Variants in LRRC69 observed in about 807,000 individuals in gnomAD.
The protein encoded by LRRC69 is leucine rich repeat containing 69, also known as leucine-rich repeat-containing protein 69.
Under a neutral mutation model 37.8 loss-of-function variants are expected in LRRC69, and 42 were observed. That is an observed-to-expected ratio of 1.11 (90% CI 0.87 to 1.44). The LOEUF is 1.44. Among genes scored for constraint, LRRC69 ranks in the 40% most tolerant of loss-of-function variants. The probability of loss-of-function intolerance (pLI) is 0.00; values close to 1 mark genes in which losing one functional copy is unlikely to be tolerated. For synonymous variants in LRRC69, 141 were observed against 143.1 expected (o/e 0.99, Z 0.11); for missense variants, 357 against 401.9 (o/e 0.89, Z 0.96).
At chr8:91,163,933 C>A (rs1000932816) in intron 5 of LRRC69, among the ~76,000 whole-genome samples, 1 of 151,218 alleles carries the variant, frequency 6.6e-6, no homozygotes, top group Non-Finnish European at 1.5e-5. Flanking sequence ...CAAGCCAAAT[C>A]AAAAATAAAA....
chr8:91,135,540 T>C (rs1813895813), intron 4 of LRRC69, 128 bp from the exon 5 acceptor site: 1 of 514,098 alleles, frequency 1.9e-6, no homozygotes, highest in Admixed American at 4.4e-5. Flanking sequence ...TGCTGAAGAA[T>C]TGGTCAGTAC....
intron 7 of LRRC69, among the ~76,000 whole-genome samples, chr8:91,202,346 A>G (rs754674975): frequency 3.3e-5 from 5 of 152,242 alleles, no homozygotes; most frequent in African/African-American, 1.2e-4. Flanking sequence ...TAAAGGCCCT[A>G]TTTCCAAACA....
chr8:91,180,130 T>A (rs1809299325), intron 5 of LRRC69, among the ~76,000 whole-genome samples: 1 of 152,188 alleles, frequency 6.6e-6, no homozygotes, highest in Admixed American at 6.5e-5. Context: ...TTTAGCTGCT[T>A]AAAGCATCAG....
chr8:91,161,318 G>C (rs1008638210), intron 5 of LRRC69, among the ~76,000 whole-genome samples: 2 of 151,376 alleles, frequency 1.3e-5, no homozygotes, highest in African/African-American at 4.8e-5. Context: ...TGAAGAATGA[G>C]TTAGGAAGAA....
chr8:91,134,659 A>G (rs1197736021), intron 4 of LRRC69, among the ~76,000 whole-genome samples: 1 of 152,024 alleles, frequency 6.6e-6, no homozygotes, highest in Admixed American at 6.6e-5. Context: ...AATCCAGTCA[A>G]GTTGACACCT....
At chr8:91,200,314 C>G (rs776401496) in intron 6 of LRRC69, among the ~76,000 whole-genome samples, 4 of 152,172 alleles carry the variant, frequency 2.6e-5, no homozygotes, top group Non-Finnish European at 5.9e-5. Context: ...AGATTTAAAC[C>G]TAAACTGTAT....
At chr8:91,150,921 C>T (rs1470256299) in intron 5 of LRRC69, among the ~76,000 whole-genome samples, 2 of 151,868 alleles carry the variant, frequency 1.3e-5, no homozygotes, top group East Asian at 1.9e-4. Flanking sequence ...TCTGTGGGAT[C>T]GTTGGTGATA....
intron 7 of LRRC69, chr8:91,206,950 A>G (rs908019252): frequency 1.1e-5 from 9 of 800,254 alleles, no homozygotes; most frequent in Admixed American, 4.1e-5. Flanking sequence ...TATGTTTCCT[A>G]TGCTTTTCCA....
At chr8:91,118,123 A>G (rs575719276) in intron 1 of LRRC69, 1 of 454,442 alleles carries the variant, frequency 2.2e-6, no homozygotes, top group Non-Finnish European at 4.4e-6. Context: ...CTAACAAGAT[A>G]AAAGTGCTAC....
At chr8:91,198,437 G>A (rs1266109160) in intron 6 of LRRC69, among the ~76,000 whole-genome samples, 1 of 152,110 alleles carries the variant, frequency 6.6e-6, no homozygotes, top group Non-Finnish European at 1.5e-5. Context: ...CTACGTTTTA[G>A]TGCTTATCAT....
At chr8:91,135,043 G>C (rs966841427) in intron 4 of LRRC69, among the ~76,000 whole-genome samples, 4 of 152,070 alleles carry the variant, frequency 2.6e-5, no homozygotes, top group African/African-American at 7.2e-5. Context: ...GACAGCAACG[G>C]AAGTAATGCT....
intron 5 of LRRC69, among the ~76,000 whole-genome samples, chr8:91,177,850 C>CT (rs10645044): frequency 0.46 from 60,490 of 130,556 alleles, 15,560 homozygotes; most frequent in South Asian, 0.66. Context: ...TTCTGCTTTT[C>CT]TTTTTTTTTT....
intron 5 of LRRC69, among the ~76,000 whole-genome samples, chr8:91,172,477 C>T (rs1389548705): frequency 6.6e-6 from 1 of 151,670 alleles, no homozygotes; most frequent in Non-Finnish European, 1.5e-5. Flanking sequence ...TTTTATAGTC[C>T]TGTTTTATCA....
At chr8:91,205,744 A>G (rs1404203686) in intron 7 of LRRC69, among the ~76,000 whole-genome samples, 1 of 152,112 alleles carries the variant, frequency 6.6e-6, no homozygotes, top group Admixed American at 6.5e-5. Context: ...ACTAGACATA[A>G]CCATGTGTGC....
At chr8:91,153,966 T>G (rs1808787627) in intron 5 of LRRC69, among the ~76,000 whole-genome samples, 1 of 151,764 alleles carries the variant, frequency 6.6e-6, no homozygotes, top group African/African-American at 2.4e-5. Context: ...GATAGACTGC[T>G]AGCTACACTA....
chr8:91,133,632 ATTTC>A (rs746469476), intron 4 of LRRC69, among the ~76,000 whole-genome samples: 6 of 150,710 alleles, frequency 4.0e-5, no homozygotes, highest in Non-Finnish European at 7.4e-5. Flanking sequence ...ATTGTTTGGT[ATTTC>A]TTTCTTTCTT....
At position 91,127,307 on chromosome 8, in the gene LRRC69, A is replaced by G. The variant is rs753737978; in HGVS notation, c.383+147A>G. On this transcript the variant is annotated intron_variant, in intron 3 of 7. Transcript: ENST00000448384. ...ATCTGAAGGACTGAGGCAAGCCACT[A>G]ATTTTAAGCAGATGATTCCTTAAAC... is the stretch of plus-strand genomic sequence containing the variant. 2.9e-4 allele frequency: 161 copies of G among 564,112 alleles called. 1 individual carries two copies. The highest frequency in any genetic ancestry group is 4.0e-4 in the Non-Finnish European group (132 of 327,534). 34.9% of individuals were successfully genotyped at this position (564,112 alleles called of 1,614,324 possible). A position where few individuals can be genotyped will look rare whatever the true frequency, so the allele number is the denominator to read the frequency against.
intron 6 of LRRC69, among the ~76,000 whole-genome samples, chr8:91,197,401 C>A (rs1163995635): frequency 6.6e-6 from 1 of 152,218 alleles, no homozygotes; most frequent in Admixed American, 6.5e-5. Flanking sequence ...GCTTTGTTTA[C>A]CTAATCAAGC....
At chr8:91,210,282 T>C (rs1452754413) in intron 7 of LRRC69, among the ~76,000 whole-genome samples, 1 of 152,324 alleles carries the variant, frequency 6.6e-6, no homozygotes, top group East Asian at 1.9e-4. Flanking sequence ...TTAGCTTACC[T>C]GACACCTCCT....
Sources: allele counts gnomAD v4.1 joint callset (sites outside exome capture counted in the v4.1 genomes callset), GRCh38; gene constraint gnomAD v4.1.1; transcripts MANE v1.5; gene names NCBI Gene and HGNC (gene_info 2026-07-23, HGNC 2026-07-21).